The following CACNA2D3 variants were observed in gnomAD, a reference collection of about 807,000 sequenced individuals.
The protein encoded by CACNA2D3 is calcium voltage-gated channel auxiliary subunit alpha2delta 3, also known as voltage-dependent calcium channel subunit alpha-2/delta-3.
Under a neutral mutation model 160.6 loss-of-function variants are expected in CACNA2D3, and 60 were observed. That is an observed-to-expected ratio of 0.37 (90% CI 0.30 to 0.46). The LOEUF is 0.46. CACNA2D3 is among the 20% of genes least tolerant of loss of function. The pLI, the probability that CACNA2D3 is intolerant of heterozygous loss-of-function variation, is 1.00. For synonymous variants in CACNA2D3, 558 were observed against 492.9 expected, an observed-to-expected ratio of 1.13 and a Z score of -1.75; for missense variants, 1,205 against 1,365.0, an observed-to-expected ratio of 0.88 and a Z score of 1.85.
intron 11 of CACNA2D3, among the ~76,000 whole-genome samples, chr3:54,719,931 A>C (rs1222681513): frequency 6.6e-6 from 1 of 151,868 alleles, no homozygotes; most frequent in Non-Finnish European, 1.5e-5. Context: ...TATTGGCCTA[A>C]AGTTGTTTAT....
chr3:54,627,124 C>A (rs1022097335), intron 9 of CACNA2D3, among the ~76,000 whole-genome samples: 1 of 152,102 alleles, frequency 6.6e-6, no homozygotes, highest in African/African-American at 2.4e-5. Context: ...TCTACTGAGC[C>A]CCTTCTGTGT....
chr3:54,511,407 T>C (rs2106962141), intron 5 of CACNA2D3, among the ~76,000 whole-genome samples: 1 of 152,312 alleles, frequency 6.6e-6, no homozygotes, highest in East Asian at 1.9e-4. Flanking sequence ...AATGCGCTTC[T>C]AAGGATGTTG....
intron 17 of CACNA2D3, among the ~76,000 whole-genome samples, chr3:54,847,550 T>C (rs1698962075): frequency 1.3e-5 from 2 of 152,226 alleles, no homozygotes; most frequent in South Asian, 2.1e-4. Context: ...AGCTCCATCA[T>C]CATGCAACTT....
intron 16 of CACNA2D3, among the ~76,000 whole-genome samples, chr3:54,845,703 A>C (rs1698917181): frequency 6.6e-6 from 1 of 152,274 alleles, no homozygotes; most frequent in African/African-American, 2.4e-5. Flanking sequence ...CATTGCTCAC[A>C]AACTATTTCC....
intron 5 of CACNA2D3, among the ~76,000 whole-genome samples, chr3:54,544,158 TG>T (rs1428701888): frequency 6.6e-6 from 1 of 152,198 alleles, no homozygotes; most frequent in Non-Finnish European, 1.5e-5. Flanking sequence ...ATAATTCAAT[TG>T]TAAGAGATAA....
At chr3:54,897,310 C>T (rs1414336952) in intron 26 of CACNA2D3, among the ~76,000 whole-genome samples, 2 of 152,158 alleles carry the variant, frequency 1.3e-5, no homozygotes, top group Non-Finnish European at 2.9e-5. Flanking sequence ...TTTGTATAAC[C>T]ATGTGCTCTC....
chr3:54,624,747 G>A (rs936672757), intron 9 of CACNA2D3, among the ~76,000 whole-genome samples: 10 of 152,254 alleles, frequency 6.6e-5, no homozygotes, highest in African/African-American at 2.4e-4. Flanking sequence ...CCACAGCTTT[G>A]TGAATCTAGG....
chr3:54,541,802 C>T (rs772872938), intron 5 of CACNA2D3, among the ~76,000 whole-genome samples: 27 of 152,040 alleles, frequency 1.8e-4, no homozygotes, highest in Non-Finnish European at 2.5e-4. Flanking sequence ...GAAGCTAGGC[C>T]CAGACAAGGA....
At chr3:54,373,229 C>T (rs1419061333) in intron 3 of CACNA2D3, among the ~76,000 whole-genome samples, 1 of 152,106 alleles carries the variant, frequency 6.6e-6, no homozygotes, top group Non-Finnish European at 1.5e-5. Flanking sequence ...AGAGTCAGGG[C>T]AATAGTCTTA....
At chr3:54,445,906 A>G (rs1314462263) in intron 4 of CACNA2D3, among the ~76,000 whole-genome samples, 2 of 152,114 alleles carry the variant, frequency 1.3e-5, no homozygotes, top group East Asian at 3.9e-4. Flanking sequence ...TGAAAGAGGA[A>G]CTGCTTTGTT....
chr3:54,838,600 C>T lies in CACNA2D3; in HGVS notation c.1503C>T (p.Gly501=). 1 of 1,613,546 alleles carries T rather than the reference C, an allele frequency of 6.2e-7. No individual in the cohort carries two copies. Among genetic ancestry groups the T allele is most frequent in the South Asian group, 1.1e-5 (1 of 91,060 alleles). The change falls in exon 16 of 38, where the codon GGC becomes GGT. Residue 501 remains glycine, a synonymous_variant. Coordinates refer to ENST00000474759, the MANE Select transcript of CACNA2D3 (RefSeq NM_018398.3). ...RSKGILLGVV[G]TDVPVKELLK... The stretch of plus-strand genomic sequence containing the variant: ...AGGGCATTCTTCTGGGAGTGGTTGG[C>T]ACAGATGTCCCAGTGAAAGAACTTC...
At chr3:55,045,117 T>C (rs34573067) in intron 35 of CACNA2D3, among the ~76,000 whole-genome samples, 28,241 of 151,988 alleles carry the variant, frequency 0.19, 2,791 homozygotes, top group African/African-American at 0.21. Flanking sequence ...GGTATGATCT[T>C]GGCTCACTGC....
intron 3 of CACNA2D3, among the ~76,000 whole-genome samples, chr3:54,335,625 C>T (rs1246484520): frequency 2.0e-5 from 3 of 152,188 alleles, no homozygotes; most frequent in Non-Finnish European, 4.4e-5. Flanking sequence ...TGCCGACCTC[C>T]TGTCTCATCC....
At chr3:54,336,599 GTGGAAGTTATATGTTA>G (rs1020715755) in intron 3 of CACNA2D3, among the ~76,000 whole-genome samples, 1 of 152,128 alleles carries the variant, frequency 6.6e-6, no homozygotes, top group Non-Finnish European at 1.5e-5. Context: ...TCCTTTTAAA[GTGGAAGTTATATGTTA>G]TGTACGTTGA....
chr3:54,464,590 A>G (rs1700577815), intron 4 of CACNA2D3, among the ~76,000 whole-genome samples: 1 of 152,270 alleles, frequency 6.6e-6, no homozygotes, highest in East Asian at 1.9e-4. Flanking sequence ...AGTGCGGGAT[A>G]TAATCTCCTG....
intron 35 of CACNA2D3, among the ~76,000 whole-genome samples, chr3:55,072,217 A>G (rs529733419): frequency 1.3e-5 from 2 of 152,336 alleles, no homozygotes; most frequent in Non-Finnish European, 2.9e-5. Context: ...TTGAGGAAAC[A>G]TCTTTGCACA....
chr3:54,485,947 A>G (rs1701009197), intron 4 of CACNA2D3, among the ~76,000 whole-genome samples: 1 of 152,070 alleles, frequency 6.6e-6, no homozygotes. Flanking sequence ...ACTATGCACA[A>G]CTTGACTCCT....
intron 12 of CACNA2D3, among the ~76,000 whole-genome samples, chr3:54,758,525 G>C (rs1279450007): frequency 2.6e-5 from 4 of 152,112 alleles, no homozygotes; most frequent in Non-Finnish European, 5.9e-5. Flanking sequence ...AAGACAGGGA[G>C]GTAGGAAGCT....
At chr3:54,476,214 TATTATATTA>T (rs980490614) in intron 4 of CACNA2D3, among the ~76,000 whole-genome samples, 3 of 148,844 alleles carry the variant, frequency 2.0e-5, no homozygotes, top group African/African-American at 7.3e-5. Context: ...TATATATGAA[TATTATATTA>T]ATTATATTAA....
Sources: allele counts gnomAD v4.1 joint callset (sites outside exome capture counted in the v4.1 genomes callset), GRCh38; gene constraint gnomAD v4.1.1; transcripts MANE v1.5; gene names NCBI Gene and HGNC (gene_info 2026-07-23, HGNC 2026-07-21).